IGSF21: variants seen among roughly 807,000 people sequenced by gnomAD.
The protein encoded by IGSF21 is immunoglobulin superfamily member 21.
Under a neutral mutation model 46.8 loss-of-function variants are expected in IGSF21, and 28 were observed. The observed-to-expected ratio is 0.60, with a 90% CI of 0.44 to 0.82. The LOEUF (loss-of-function observed/expected upper bound fraction) is 0.82. Ranked by LOEUF, IGSF21 falls within the 40% of genes least tolerant of loss-of-function variation. The pLI, the probability that IGSF21 is intolerant of heterozygous loss-of-function variation, is 0.00. For synonymous variants in IGSF21, 284 were observed against 273.6 expected, an observed-to-expected ratio of 1.04 and a Z score of -0.38; for missense variants, 624 against 665.5, an observed-to-expected ratio of 0.94 and a Z score of 0.69.
intron 1 of IGSF21, among the ~76,000 whole-genome samples, chr1:18,191,090 A>G (rs1222778934): frequency 6.6e-6 from 1 of 152,138 alleles, no homozygotes; most frequent in African/African-American, 2.4e-5. Context: ...GAAGGAGATA[A>G]TTCCAGAAAA....
At chr1:18,145,468 C>T (rs576222420) in intron 1 of IGSF21, among the ~76,000 whole-genome samples, 109 of 152,242 alleles carry the variant, frequency 7.2e-4, no homozygotes, top group African/African-American at 2.4e-3. Context: ...AGCCCCCAGC[C>T]CCTCCTGGTT....
At chr1:18,317,677 A>G (rs2085556674) in intron 3 of IGSF21, among the ~76,000 whole-genome samples, 1 of 152,146 alleles carries the variant, frequency 6.6e-6, no homozygotes, top group South Asian at 2.1e-4. Flanking sequence ...ATGAATCCAC[A>G]TTCATACCCA....
chr1:18,228,026 T>C lies in IGSF21; in HGVS notation c.183+16T>C. On this transcript the variant is annotated intron_variant, in intron 2 of 9. Transcript: ENST00000251296. ...GTGGTACCGGGTAAGTCACTACTAC[T>C]GCCCCCTTCATGCCCATGGCCAGGA... 6.3e-7 allele frequency: 1 copy of C among 1,586,168 alleles called. No individual in the cohort carries two copies. Among genetic ancestry groups the C allele is most frequent in the Non-Finnish European group, 8.7e-7 (1 of 1,154,544 alleles).
Position 18,267,770 on chromosome 1 carries a change from G to A in IGSF21, c.184-24096G>A, listed in dbSNP as rs529010379. On this transcript the variant is annotated intron_variant, in intron 2 of 9. Transcript: ENST00000251296. ...CTCATTCTGCAGCCTGTGTCTTCTA[G>A]AACAGGCCTCTAGGAGAGAAGGAAC... Among the ~76,000 whole-genome samples, 4 of 152,326 alleles carry A rather than the reference G, an allele frequency of 2.6e-5. No individual in the cohort carries two copies. The East Asian group carries it at 7.7e-4, about 29-fold the overall frequency.
intron 3 of IGSF21, among the ~76,000 whole-genome samples, chr1:18,319,816 C>G (rs1453331022): frequency 2.6e-5 from 4 of 152,212 alleles, no homozygotes; most frequent in Non-Finnish European, 5.9e-5. Flanking sequence ...CCAGCACTCC[C>G]TATCCCTGTC....
chr1:18,358,263 T>G (rs1459307422), intron 4 of IGSF21, among the ~76,000 whole-genome samples: 2 of 152,118 alleles, frequency 1.3e-5, no homozygotes, highest in Admixed American at 6.5e-5. Flanking sequence ...AGAAATATAA[T>G]GTAAAGTACA....
chr1:18,201,798 T>C (rs1436963885), intron 1 of IGSF21, among the ~76,000 whole-genome samples: 5 of 152,212 alleles, frequency 3.3e-5, no homozygotes. Context: ...TGAGCTGTAC[T>C]GATAGAACAT....
At chr1:18,248,193 C>T (rs1027203277) in intron 2 of IGSF21, among the ~76,000 whole-genome samples, 2 of 152,208 alleles carry the variant, frequency 1.3e-5, no homozygotes, top group African/African-American at 4.8e-5. Flanking sequence ...TCTGCCTCTA[C>T]TTCCCTTTTG....
intron 1 of IGSF21, among the ~76,000 whole-genome samples, chr1:18,217,704 C>T (rs977017365): frequency 6.6e-6 from 1 of 152,240 alleles, no homozygotes; most frequent in African/African-American, 2.4e-5. Context: ...CCACTACCCA[C>T]TCCTGTTTTC....
intron 3 of IGSF21, among the ~76,000 whole-genome samples, chr1:18,318,487 T>TGC (rs896921717): frequency 1.3e-5 from 2 of 151,780 alleles, no homozygotes; most frequent in African/African-American, 2.4e-5. Flanking sequence ...TGTGTGTGTG[T>TGC]GTGCGTGCGT....
intron 3 of IGSF21, among the ~76,000 whole-genome samples, chr1:18,327,099 G>T (rs1013555045): frequency 1.3e-5 from 2 of 152,276 alleles, no homozygotes; most frequent in African/African-American, 2.4e-5. Context: ...AAATCCTGTA[G>T]CTCCCCATTC....
At chr1:18,132,568 G>A (rs181001971) in intron 1 of IGSF21, among the ~76,000 whole-genome samples, 2 of 152,312 alleles carry the variant, frequency 1.3e-5, no homozygotes, top group Admixed American at 6.5e-5. Context: ...CAAAATGACC[G>A]CAGAGATTTA....
At chr1:18,295,010 T>C (rs145652990) in intron 3 of IGSF21, among the ~76,000 whole-genome samples, 25 of 152,198 alleles carry the variant, frequency 1.6e-4, no homozygotes, top group Non-Finnish European at 3.2e-4. Flanking sequence ...CTGGGGAAAG[T>C]AGGGAGAGAA....
chr1:18,133,725 C>T (rs868390369), intron 1 of IGSF21, among the ~76,000 whole-genome samples: 3 of 152,242 alleles, frequency 2.0e-5, no homozygotes, highest in African/African-American at 4.8e-5. Context: ...TATAATGACA[C>T]GTCCTCAGGC....
chr1:18,226,083 G>T (rs76283469), intron 1 of IGSF21, among the ~76,000 whole-genome samples: 1 of 152,368 alleles, frequency 6.6e-6, no homozygotes, highest in South Asian at 2.1e-4. Context: ...ATGTGAGCCA[G>T]TATCACAATG....
intron 1 of IGSF21, among the ~76,000 whole-genome samples, chr1:18,201,519 C>G (rs896832825): frequency 5.9e-5 from 9 of 152,182 alleles, no homozygotes; most frequent in Non-Finnish European, 1.3e-4. Flanking sequence ...AGAGGAACCT[C>G]TAGCCTGGCT....
chr1:18,193,454 A>G lies in IGSF21; in HGVS notation c.71-34444A>G, dbSNP rs2086977513. On this transcript the variant is annotated intron_variant, in intron 1 of 9. Coordinates refer to ENST00000251296, the MANE Select transcript of IGSF21 (RefSeq NM_032880.5). ...ACTCACACGATCACAAGGTCCCACA[A>G]TTGGCTGTCTGCAGGCTGAGGAGCC... Among the ~76,000 whole-genome samples the G allele has an allele frequency of 3.9e-5, 6 of 152,166 alleles. No homozygotes were observed. The South Asian group carries it at 1.2e-3, about 32-fold the overall frequency.
chr1:18,123,295 A>G (rs574571091), intron 1 of IGSF21, among the ~76,000 whole-genome samples: 4 of 152,334 alleles, frequency 2.6e-5, no homozygotes, highest in East Asian at 1.9e-4. Context: ...CTGCCTCTAG[A>G]GAACCCTGGC....
At chr1:18,350,923 C>T (rs1422206402) in intron 4 of IGSF21, among the ~76,000 whole-genome samples, 1 of 151,568 alleles carries the variant, frequency 6.6e-6, no homozygotes, top group Non-Finnish European at 1.5e-5. Context: ...GATCGGCAGG[C>T]GTGGCCCAGT....
Sources: allele counts gnomAD v4.1 joint callset (sites outside exome capture counted in the v4.1 genomes callset), GRCh38; gene constraint gnomAD v4.1.1; transcripts MANE v1.5; gene names NCBI Gene and HGNC (gene_info 2026-07-23, HGNC 2026-07-21).